KIF2A: variants seen among roughly 807,000 people sequenced by gnomAD.
The protein encoded by KIF2A is kinesin-like protein KIF2A.
KIF2A carries 22 observed loss-of-function variants against 100.2 expected under a neutral mutation model. That is an observed-to-expected ratio of 0.22 (90% confidence interval 0.16 to 0.31). KIF2A has a LOEUF of 0.31. Ranked by LOEUF, KIF2A falls within the 10% of genes least tolerant of loss-of-function variation. KIF2A has a pLI of 1.00. For synonymous variants in KIF2A, 268 were observed against 285.9 expected (o/e 0.94, Z 0.63); for missense variants, 495 against 898.7 (o/e 0.55, Z 5.74).
intron 1 of KIF2A, among the ~76,000 whole-genome samples, chr5:62,314,145 C>G (rs1317750486): frequency 6.6e-6 from 1 of 152,114 alleles, no homozygotes; most frequent in Non-Finnish European, 1.5e-5. Context: ...GCAGGTTTCT[C>G]TCTAGATATC....
intron 6 of KIF2A, 29 bp downstream of exon 6, chr5:62,353,404 A>G (rs745604102): frequency 1.7e-6 from 2 of 1,175,284 alleles, no homozygotes; most frequent in African/African-American, 1.6e-5. Context: ...TATTTTGTTT[A>G]TGTACCAACC....
chr5:62,381,166 G>A lies in KIF2A; in HGVS notation c.2062G>A (p.Glu688Lys). ...EDEKALLEMTEEVDYDVDSYA... is the reference protein window; with the variant it reads ...EDEKALLEMTKEVDYDVDSYA... ...TGAAAAGGCCCTCTTAGAGATGACT[G>A]AAGAAGTAGATTATGATGTCGATTC... is the stretch of plus-strand genomic sequence containing the variant. The change falls in exon 20 of 21, where the codon GAA becomes AAA. Residue 688 changes from glutamate to lysine, a missense_variant. Around this residue, in one of 10 missense-constraint regions of KIF2A, gnomAD observed 58 missense variants for 94.8 expected, o/e 0.61. Transcript: ENST00000407818. 6.2e-7 allele frequency: 1 copy of A among 1,608,872 alleles called. No homozygotes were observed. The highest frequency in any genetic ancestry group is 8.5e-7 in the Non-Finnish European group (1 of 1,175,374).
chr5:62,376,475 A>C (rs1741552215), intron 18 of KIF2A, among the ~76,000 whole-genome samples: 1 of 152,006 alleles, frequency 6.6e-6, no homozygotes, highest in Non-Finnish European at 1.5e-5. Flanking sequence ...GCTGGAGTGC[A>C]ATGGCACGAT....
At chr5:62,318,087 A>T (rs181643038) in intron 1 of KIF2A, among the ~76,000 whole-genome samples, 1 of 151,352 alleles carries the variant, frequency 6.6e-6, no homozygotes, top group Non-Finnish European at 1.5e-5. Context: ...AATTTAGTGG[A>T]CTTTTTTTTT....
At chr5:62,375,784 G>A (rs1445456109) in intron 18 of KIF2A, among the ~76,000 whole-genome samples, 2 of 152,126 alleles carry the variant, frequency 1.3e-5, no homozygotes, top group African/African-American at 2.4e-5. Context: ...CACAACTAAG[G>A]TGATGCTGCT....
chr5:62,389,679 G>A lies in KIF2A; in HGVS notation c.*4110G>A, dbSNP rs1371920796. On this transcript the variant is annotated 3_prime_UTR_variant, in exon 21 of 21. Transcript: ENST00000407818. ...TTGTTTCAAGGTAACTGAACAAGAA[G>A]CTGTTTGGAATTGGCAGAAGTCAGA... Among the ~76,000 whole-genome samples the A allele has an allele frequency of 1.3e-5, 2 of 152,062 alleles. No individual in the cohort carries two copies. Among genetic ancestry groups the A allele is most frequent in the African/African-American group, 4.8e-5 (2 of 41,400 alleles).
At chr5:62,306,802 G>A (rs1745307927) in intron 1 of KIF2A, 4 of 463,104 alleles carry the variant, frequency 8.6e-6, no homozygotes, top group South Asian at 5.8e-5. Context: ...CGCGTCTCCG[G>A]GGGTCTCTGG....
Position 62,369,436 on chromosome 5 carries a change from C to T in KIF2A, c.1646+2955C>T, listed in dbSNP as rs143728540. On this transcript the variant is annotated intron_variant, in intron 16 of 20. Coordinates refer to ENST00000407818, the MANE Select transcript of KIF2A (RefSeq NM_001098511.3). ...AACCATTAGATCTTGTGAGAACTCA[C>T]TATCACGAGAACAGCCTGGAGGAAG... Among the ~76,000 whole-genome samples, 23 of 152,304 alleles carry T rather than the reference C, an allele frequency of 1.5e-4. No homozygotes were observed. The East Asian group carries it at 3.1e-3, about 20-fold the overall frequency.
chr5:62,358,063 ACTT>A, intron 8 of KIF2A, 71 bp from the exon 9 acceptor site: 1 of 1,126,168 alleles, frequency 8.9e-7, no homozygotes, highest in Non-Finnish European at 1.2e-6. Flanking sequence ...AGTTCTTACT[ACTT>A]AAAATAATTT....
chr5:62,376,906 A>G (rs784901), intron 18 of KIF2A, among the ~76,000 whole-genome samples: 38,069 of 151,934 alleles, frequency 0.25, 4,876 homozygotes, highest in Middle Eastern at 0.3. Context: ...AATTGCGCAT[A>G]CACAAGTCCC....
At chr5:62,352,854 T>A (rs193180560) in intron 5 of KIF2A, 144 bp downstream of exon 5, 23 of 629,774 alleles carry the variant, frequency 3.7e-5, no homozygotes, top group Non-Finnish European at 5.2e-5. Flanking sequence ...AAAATTTAAC[T>A]TCTTCTTATT....
chr5:62,371,396 A>G (rs912436434), intron 16 of KIF2A, among the ~76,000 whole-genome samples: 3 of 152,236 alleles, frequency 2.0e-5, no homozygotes, highest in East Asian at 3.8e-4. Context: ...TAGAGGAAAC[A>G]TATTAGTTTG....
chr5:62,339,687 A>G (rs1747181451), intron 1 of KIF2A, among the ~76,000 whole-genome samples: 1 of 151,226 alleles, frequency 6.6e-6, no homozygotes, highest in African/African-American at 2.4e-5. Flanking sequence ...TGTGCAATGA[A>G]ATACTATATT....
intron 1 of KIF2A, among the ~76,000 whole-genome samples, chr5:62,331,903 TAATAA>T (rs1381002195): frequency 6.6e-6 from 1 of 152,236 alleles, no homozygotes; most frequent in African/African-American, 2.4e-5. Flanking sequence ...TATATTTTCT[TAATAA>T]AATACATATT....
intron 1 of KIF2A, among the ~76,000 whole-genome samples, chr5:62,340,175 G>C (rs904741310): frequency 1.3e-5 from 2 of 152,074 alleles, no homozygotes; most frequent in African/African-American, 2.4e-5. Flanking sequence ...GATCTCTGGT[G>C]ATCCACCCAC....
At chr5:62,313,939 G>T (rs1023880319) in intron 1 of KIF2A, among the ~76,000 whole-genome samples, 1 of 151,924 alleles carries the variant, frequency 6.6e-6, no homozygotes. Context: ...CTACAGGTAT[G>T]CACAACCATG....
Position 62,355,799 on chromosome 5 carries a change from C to CT in KIF2A, c.654+562dup, listed in dbSNP as rs869252403. ...TGAGAATTCATTGGACAGGGAGTGC[C>CT]TTTTTTTTTTTTTTTTTGAGATGGA... is the stretch of plus-strand genomic sequence containing the variant. On this transcript the variant is annotated intron_variant, in intron 7 of 20. Coordinates refer to ENST00000407818, the MANE Select transcript of KIF2A (RefSeq NM_001098511.3). Among the ~76,000 whole-genome samples the CT allele has an allele frequency of 5.1e-3, 697 of 137,082 alleles. 5 individuals carry two copies. The highest frequency in any genetic ancestry group is 7.0e-3 in the Non-Finnish European group (442 of 62,988). 89.9% of individuals were successfully genotyped at this position (137,082 alleles called of 152,430 possible).
intron 1 of KIF2A, among the ~76,000 whole-genome samples, chr5:62,313,048 T>C (rs756482247): frequency 4.6e-5 from 7 of 152,178 alleles, no homozygotes; most frequent in Non-Finnish European, 7.4e-5. Flanking sequence ...AATATACTTC[T>C]ATTAACAGCC....
chr5:62,334,061 G>A (rs1746793621), intron 1 of KIF2A, among the ~76,000 whole-genome samples: 1 of 152,064 alleles, frequency 6.6e-6, no homozygotes, highest in South Asian at 2.1e-4. Flanking sequence ...TCCATTTCCT[G>A]GCCAGCTTGC....
Sources: allele counts gnomAD v4.1 joint callset (sites outside exome capture counted in the v4.1 genomes callset), GRCh38; gene constraint gnomAD v4.1.1; regional missense constraint gnomAD v4.1.1; transcripts MANE v1.5; gene names NCBI Gene and HGNC (gene_info 2026-07-23, HGNC 2026-07-21).